Variants in VIPR2 observed in about 807,000 individuals in gnomAD.
VIPR2 encodes vasoactive intestinal peptide receptor 2, also known as vasoactive intestinal polypeptide receptor 2.
A neutral mutation model predicts 58.0 loss-of-function variants in VIPR2; 48 were observed. The observed-to-expected ratio is 0.83, with a 90% CI of 0.66 to 1.05. VIPR2 has a LOEUF of 1.05. Ranked by LOEUF, VIPR2 falls within the 50% of genes least tolerant of loss-of-function variation. The pLI is 0.00. For synonymous variants in VIPR2, 243 were observed against 235.2 expected, an observed-to-expected ratio of 1.03 and a Z score of -0.30; for missense variants, 534 against 558.0, an observed-to-expected ratio of 0.96 and a Z score of 0.43.
chr7:159,142,420 T>C, intron 2 of VIPR2, 26 bp downstream of exon 2: 1 of 1,578,668 alleles, frequency 6.3e-7, no homozygotes, highest in South Asian at 1.1e-5. Flanking sequence ...TCACGGGAGT[T>C]CTTACTCACC....
At chr7:159,132,909 C>T (rs1323262780) in intron 2 of VIPR2, among the ~76,000 whole-genome samples, 1 of 138,178 alleles carries the variant, frequency 7.2e-6, no homozygotes, top group Admixed American at 7.4e-5. Flanking sequence ...GAATGATTGG[C>T]ATACAGATTG....
At chr7:159,040,046 C>G (rs1854226875) in intron 6 of VIPR2, among the ~76,000 whole-genome samples, 1 of 152,170 alleles carries the variant, frequency 6.6e-6, no homozygotes, top group Non-Finnish European at 1.5e-5. Context: ...GAAGACGATT[C>G]CATTTTCTTC....
At chr7:159,085,473 T>G (rs149586366) in intron 4 of VIPR2, among the ~76,000 whole-genome samples, 1 of 152,272 alleles carries the variant, frequency 6.6e-6, no homozygotes, top group East Asian at 1.9e-4. Context: ...TTTTTGTATT[T>G]TTAGTAGAGA....
chr7:159,064,471 G>A (rs1855970140), intron 4 of VIPR2, among the ~76,000 whole-genome samples: 1 of 152,152 alleles, frequency 6.6e-6, no homozygotes, highest in South Asian at 2.1e-4. Flanking sequence ...GAGGATGATG[G>A]CGGGGTGAAA....
intron 4 of VIPR2, among the ~76,000 whole-genome samples, chr7:159,081,723 A>T (rs1254134456): frequency 6.6e-6 from 1 of 152,250 alleles, no homozygotes; most frequent in African/African-American, 2.4e-5. Context: ...TACTCATCTG[A>T]CAAAGGGCTA....
chr7:159,056,367 T>C lies in VIPR2; in HGVS notation c.455+2114A>G, dbSNP rs544482690. 2.0e-5 allele frequency among the ~76,000 whole-genome samples: 3 copies of C among 152,296 alleles called. No homozygotes were observed. The South Asian group carries it at 6.2e-4, about 32-fold the overall frequency. On this transcript the variant is annotated intron_variant, in intron 5 of 12. Transcript: ENST00000262178. Reference sequence around the variant, plus strand: ...TCATCCTGAGAATAGGCCATACTTCTGATCTGTGGTATCCATCAATACAGA... The same window carrying C: ...TCATCCTGAGAATAGGCCATACTTCCGATCTGTGGTATCCATCAATACAGA...
chr7:159,040,807 T>C (rs1407672707), intron 6 of VIPR2, among the ~76,000 whole-genome samples: 2 of 152,216 alleles, frequency 1.3e-5, no homozygotes, highest in Non-Finnish European at 2.9e-5. Flanking sequence ...GAGCGTTCTT[T>C]AGAGGACAGC....
At chr7:159,043,205 AT>A (rs1854452403) in intron 5 of VIPR2, 29 bp from the exon 6 acceptor site, 2 of 1,184,180 alleles carry the variant, frequency 1.7e-6, no homozygotes, top group Non-Finnish European at 2.4e-6. Flanking sequence ...AGAGAGAGGA[AT>A]TGGAGGGGGA....
intron 4 of VIPR2, among the ~76,000 whole-genome samples, chr7:159,085,839 C>T (rs1192636365): frequency 6.6e-6 from 1 of 152,050 alleles, no homozygotes; most frequent in Non-Finnish European, 1.5e-5. Flanking sequence ...TCGGCAGTTG[C>T]CAGGGGCTGG....
chr7:159,118,503 G>T (rs1796329460), intron 2 of VIPR2, among the ~76,000 whole-genome samples: 1 of 152,156 alleles, frequency 6.6e-6, no homozygotes, highest in Non-Finnish European at 1.5e-5. Flanking sequence ...TCCTGATCCT[G>T]CCTCTTCCTG....
intron 4 of VIPR2, among the ~76,000 whole-genome samples, chr7:159,078,702 C>T (rs1856765457): frequency 6.6e-6 from 1 of 152,204 alleles, no homozygotes; most frequent in Admixed American, 6.5e-5. Context: ...TTGGGCTATT[C>T]ATGGCTGAGG....
chr7:159,034,452 G>A, intron 9 of VIPR2, 129 bp downstream of exon 9: 1 of 1,275,858 alleles, frequency 7.8e-7, no homozygotes, highest in South Asian at 1.3e-5. Flanking sequence ...GCCTGAAGAG[G>A]TCCTTTTCCG....
chr7:159,066,273 C>T (rs1856083673), intron 4 of VIPR2, among the ~76,000 whole-genome samples: 2 of 151,494 alleles, frequency 1.3e-5, no homozygotes, highest in South Asian at 2.1e-4. Flanking sequence ...CTTCACTGTC[C>T]GTGGGATTCC....
chr7:159,136,147 G>C (rs1797214073), intron 2 of VIPR2, among the ~76,000 whole-genome samples: 1 of 152,204 alleles, frequency 6.6e-6, no homozygotes, highest in Non-Finnish European at 1.5e-5. Context: ...TATGAGGCTG[G>C]ATAAATCCAG....
chr7:159,038,395 G>A (rs559676855), intron 6 of VIPR2, among the ~76,000 whole-genome samples: 21 of 152,224 alleles, frequency 1.4e-4, no homozygotes, highest in East Asian at 5.8e-4. Flanking sequence ...GCCTGCACGC[G>A]GATCTCGTGT....
At chr7:159,104,263 C>T (rs953078936) in intron 3 of VIPR2, among the ~76,000 whole-genome samples, 2 of 149,202 alleles carry the variant, frequency 1.3e-5, no homozygotes, top group African/African-American at 4.9e-5. Context: ...TCCTCCCGGC[C>T]AGGCCCTCAC....
At chr7:159,110,036 C>A in intron 2 of VIPR2, 117 bp from the exon 3 acceptor site, 1 of 892,184 alleles carries the variant, frequency 1.1e-6, no homozygotes, top group Non-Finnish European at 1.7e-6. Flanking sequence ...ACACTTGCAC[C>A]AACACAATTA....
At position 159,034,194 on chromosome 7, in the gene VIPR2, G is replaced by A. The variant is rs975856361; in HGVS notation, c.971+19C>T. The A allele has an allele frequency of 6.2e-7, 1 of 1,613,028 alleles. No individual in the cohort carries two copies. Among genetic ancestry groups the A allele is most frequent in the Non-Finnish European group, 8.5e-7 (1 of 1,179,320 alleles). On this transcript the variant is annotated intron_variant, in intron 10 of 12. Transcript: ENST00000262178. Reference sequence around the variant, plus strand: ...ACGGCATCCCCATCAGGGACGGCCAGGCCGGGACACACACTCACTTGTACT... The same window carrying A: ...ACGGCATCCCCATCAGGGACGGCCAAGCCGGGACACACACTCACTTGTACT...
intron 2 of VIPR2, among the ~76,000 whole-genome samples, chr7:159,126,648 A>C (rs974495649): frequency 6.6e-6 from 1 of 152,122 alleles, no homozygotes; most frequent in Non-Finnish European, 1.5e-5. Flanking sequence ...TGCAGCCGAG[A>C]GCTGAGGGAC....
Sources: allele counts gnomAD v4.1 joint callset (sites outside exome capture counted in the v4.1 genomes callset), GRCh38; gene constraint gnomAD v4.1.1; transcripts MANE v1.5; gene names NCBI Gene and HGNC (gene_info 2026-07-23, HGNC 2026-07-21).